The following ERBB4 variants were observed in gnomAD, a reference collection of about 807,000 sequenced individuals.
The protein encoded by ERBB4 is receptor tyrosine-protein kinase erbB-4.
Under a neutral mutation model 158.0 loss-of-function variants are expected in ERBB4, and 42 were observed. The observed-to-expected ratio is 0.27, with a 90% CI of 0.21 to 0.34. The LOEUF is 0.34. Ranked by LOEUF, ERBB4 falls within the 10% of genes least tolerant of loss-of-function variation. The pLI, the probability that ERBB4 is intolerant of heterozygous loss-of-function variation, is 1.00. For synonymous variants in ERBB4, 583 were observed against 558.7 expected (o/e 1.04, Z -0.61); for missense variants, 1,333 against 1,624.1 (o/e 0.82, Z 3.08).
intron 1 of ERBB4, among the ~76,000 whole-genome samples, chr2:212,313,264 A>G (rs116491156): frequency 0.024 from 3,614 of 150,972 alleles, 62 homozygotes; most frequent in Non-Finnish European, 0.037. Flanking sequence ...GAGAATACCA[A>G]CACAATATAA....
chr2:211,430,797 C>T lies in ERBB4; in HGVS notation c.2643+148G>A, dbSNP rs918458859. 4.5e-5 allele frequency: 31 copies of T among 682,912 alleles called. No individual in the cohort carries two copies. In the African/African-American group the frequency reaches 5.4e-4, roughly 12 times the overall value. 42.3% of individuals were successfully genotyped at this position (682,912 alleles called of 1,614,324 possible). A position where few individuals can be genotyped will look rare whatever the true frequency, so the allele number is the denominator to read the frequency against. ...ATATATACACACACATATATATATA[C>T]CCGGGGCAGGAGAAGAGGCAAATGG... On this transcript the variant is annotated intron_variant, in intron 21 of 27. Transcript: ENST00000342788.
chr2:212,391,884 TCA>T (rs947505071), intron 1 of ERBB4, among the ~76,000 whole-genome samples: 1 of 149,872 alleles, frequency 6.7e-6, no homozygotes, highest in East Asian at 2.0e-4. Flanking sequence ...TTGTTCTATT[TCA>T]CAGTCAGAAA....
intron 1 of ERBB4, among the ~76,000 whole-genome samples, chr2:212,494,656 A>C (rs1690460648): frequency 6.6e-6 from 1 of 152,108 alleles, no homozygotes; most frequent in East Asian, 1.9e-4. Flanking sequence ...TCACTAATGT[A>C]CAAGAATTAA....
At chr2:211,969,841 G>A (rs1017752451) in intron 2 of ERBB4, among the ~76,000 whole-genome samples, 1 of 151,850 alleles carries the variant, frequency 6.6e-6, no homozygotes, top group Non-Finnish European at 1.5e-5. Flanking sequence ...CAAAAAAACA[G>A]CTCCTGGATT....
chr2:211,435,055 A>T (rs1056561346), intron 20 of ERBB4, among the ~76,000 whole-genome samples: 7 of 152,236 alleles, frequency 4.6e-5, no homozygotes, highest in African/African-American at 1.7e-4. Flanking sequence ...ACTCTGTGCT[A>T]GATTCCTTCA....
At chr2:212,002,947 G>C (rs1383071263) in intron 2 of ERBB4, among the ~76,000 whole-genome samples, 1 of 150,956 alleles carries the variant, frequency 6.6e-6, no homozygotes. Context: ...TGTAATTCCA[G>C]ACTCGGGAGG....
At chr2:211,580,866 C>CATAT (rs56892079) in intron 19 of ERBB4, among the ~76,000 whole-genome samples, 45 of 64,132 alleles carry the variant, frequency 7.0e-4, no homozygotes, top group South Asian at 9.7e-4. Context: ...TATGCATATA[C>CATAT]ATATATATAT....
At chr2:211,430,588 G>A (rs1278622581) in intron 21 of ERBB4, among the ~76,000 whole-genome samples, 1 of 152,080 alleles carries the variant, frequency 6.6e-6, no homozygotes, top group Non-Finnish European at 1.5e-5. Flanking sequence ...AGATCAGTGG[G>A]ACAATTTCTA....
intron 1 of ERBB4, among the ~76,000 whole-genome samples, chr2:212,465,181 T>C (rs1468161521): frequency 6.6e-6 from 1 of 152,116 alleles, no homozygotes; most frequent in African/African-American, 2.4e-5. Flanking sequence ...TAGACTTGTT[T>C]CCCGATTTTA....
At chr2:211,540,411 A>G (rs947410391) in intron 20 of ERBB4, among the ~76,000 whole-genome samples, 2 of 151,944 alleles carry the variant, frequency 1.3e-5, no homozygotes, top group Admixed American at 6.6e-5. Flanking sequence ...TAGATGTTTT[A>G]AGTTCCATGA....
At chr2:211,650,549 C>T (rs2070943793) in intron 16 of ERBB4, among the ~76,000 whole-genome samples, 1 of 152,016 alleles carries the variant, frequency 6.6e-6, no homozygotes, top group Non-Finnish European at 1.5e-5. Flanking sequence ...CCATCTGTAA[C>T]CCATTGAAGC....
intron 12 of ERBB4, among the ~76,000 whole-genome samples, chr2:211,681,098 A>C (rs1174320005): frequency 6.6e-6 from 1 of 152,204 alleles, no homozygotes; most frequent in Non-Finnish European, 1.5e-5. Context: ...TTAATAAATG[A>C]AATTATACAG....
At chr2:212,419,418 A>G (rs2105900212) in intron 1 of ERBB4, among the ~76,000 whole-genome samples, 1 of 152,020 alleles carries the variant, frequency 6.6e-6, no homozygotes, top group African/African-American at 2.4e-5. Flanking sequence ...CATTTTCAGA[A>G]TCATACTAAA....
rs376461243 is a variant in ERBB4, at chr2:211,990,758, G to T, written c.235-43142C>A. 5.3e-5 allele frequency among the ~76,000 whole-genome samples: 8 copies of T among 151,892 alleles called. No individual in the cohort carries two copies. In the East Asian group the frequency reaches 1.4e-3, roughly 26 times the overall value. ...TCCTCGACCAGCATCTCTTGAGGAT[G>T]TTGGATGTTGCAAAATTTAGAAGAC... On this transcript the variant is annotated intron_variant, in intron 2 of 27. Coordinates refer to ENST00000342788, the MANE Select transcript of ERBB4 (RefSeq NM_005235.3).
intron 1 of ERBB4, among the ~76,000 whole-genome samples, chr2:212,442,878 G>T (rs925106773): frequency 6.6e-6 from 1 of 152,174 alleles, no homozygotes; most frequent in African/African-American, 2.4e-5. Context: ...ACTTGAAGTT[G>T]CAGGGGTAGT....
chr2:211,398,125 G>A (rs1237475806), intron 25 of ERBB4, among the ~76,000 whole-genome samples: 1 of 152,046 alleles, frequency 6.6e-6, no homozygotes, highest in African/African-American at 2.4e-5. Flanking sequence ...TCTTTGCTTG[G>A]TGAATAATAT....
intron 3 of ERBB4, among the ~76,000 whole-genome samples, chr2:211,930,471 A>G (rs2080143382): frequency 6.6e-6 from 1 of 152,124 alleles, no homozygotes; most frequent in South Asian, 2.1e-4. Context: ...AAAGATTCTA[A>G]TTTTAGAATG....
chr2:212,221,439 G>C (rs2083286936), intron 1 of ERBB4, among the ~76,000 whole-genome samples: 1 of 151,492 alleles, frequency 6.6e-6, no homozygotes, highest in South Asian at 2.1e-4. Flanking sequence ...TAAGGTATAG[G>C]TATCAGTCAC....
At position 211,384,077 on chromosome 2, in the gene ERBB4, A is replaced by G; in HGVS notation, c.3482-17T>C. ...TCAGGTATTCTAAAGGAATAAAAAA[A>G]TATCAGCTAACCTCTAGTTTCTGGA... On this transcript the variant is annotated splice_polypyrimidine_tract_variant and intron_variant, in intron 27 of 27. Transcript: ENST00000342788. 1 of 1,578,230 alleles carries G rather than the reference A, an allele frequency of 6.3e-7. No homozygotes were observed. Among genetic ancestry groups the G allele is most frequent in the Non-Finnish European group, 8.7e-7 (1 of 1,147,432 alleles).
Sources: gnomAD v4.1 joint callset for allele counts (sites outside exome capture counted in the v4.1 genomes callset) on GRCh38, gnomAD v4.1.1 for gene constraint, MANE v1.5 for transcripts, NCBI Gene and HGNC (gene_info 2026-07-23, HGNC 2026-07-21) for gene names.